Variants in SUCLG2 observed in about 807,000 individuals in gnomAD.
SUCLG2 encodes succinate--CoA ligase [GDP-forming] subunit beta, mitochondrial.
A neutral mutation model predicts 47.9 loss-of-function variants in SUCLG2; 42 were observed. That is an observed-to-expected ratio of 0.88 (90% CI 0.69 to 1.14). The LOEUF is 1.14. Among genes scored for constraint, SUCLG2 ranks in the 50% most tolerant of loss-of-function variants. The probability of loss-of-function intolerance (pLI) is 0.00; values close to 1 mark genes in which losing one functional copy is unlikely to be tolerated. For synonymous variants in SUCLG2, 195 were observed against 197.3 expected, an observed-to-expected ratio of 0.99 and a Z score of 0.10; for missense variants, 571 against 525.9, an observed-to-expected ratio of 1.09 and a Z score of -0.84.
rs140373867 is a variant in SUCLG2, at chr3:67,478,714, C to T, written c.1062+17084G>A. ...GTGAGTGGGAAAGAACCAAAATTAA[C>T]GAATAAAATCTAGTGGGAGGTTGCA... On this transcript the variant is annotated intron_variant, in intron 9 of 10. Coordinates refer to ENST00000307227, the MANE Select transcript of SUCLG2 (RefSeq NM_003848.4). 2.4e-4 allele frequency among the ~76,000 whole-genome samples: 37 copies of T among 152,228 alleles called. No homozygotes were observed. The Middle Eastern group carries it at 0.01, about 42-fold the overall frequency.
chr3:67,548,728 C>T (rs181544620), intron 2 of SUCLG2, among the ~76,000 whole-genome samples: 11 of 152,168 alleles, frequency 7.2e-5, no homozygotes, highest in Admixed American at 3.9e-4. Context: ...GACAAATGAG[C>T]GAAAATATTG....
chr3:67,454,120 T>G (rs1704124035), intron 9 of SUCLG2, among the ~76,000 whole-genome samples: 1 of 152,224 alleles, frequency 6.6e-6, no homozygotes, highest in Non-Finnish European at 1.5e-5. Context: ...ATTTTTATGT[T>G]CATTCCCAAT....
At chr3:67,403,460 C>T (rs1437638871) in intron 9 of SUCLG2, among the ~76,000 whole-genome samples, 2 of 152,188 alleles carry the variant, frequency 1.3e-5, no homozygotes, top group South Asian at 2.1e-4. Context: ...ACTTGATCAA[C>T]ATCTCCCTTG....
chr3:67,524,764 AGAG>A (rs1706210085), intron 4 of SUCLG2, among the ~76,000 whole-genome samples: 1 of 152,228 alleles, frequency 6.6e-6, no homozygotes, highest in Admixed American at 6.5e-5. Flanking sequence ...TGAAAGTTAT[AGAG>A]AAGAAGGGAG....
intron 9 of SUCLG2, among the ~76,000 whole-genome samples, chr3:67,491,370 T>TG (rs1705201697): frequency 6.8e-6 from 1 of 146,400 alleles, no homozygotes. Flanking sequence ...ACTTTTTTTT[T>TG]TTTTTTTTTT....
In SUCLG2 at chr3:67,603,290, ACAAT is replaced by A. The variant is rs527751190; in HGVS notation, c.226+6161_226+6164del. Among the ~76,000 whole-genome samples the A allele has an allele frequency of 1.9e-3, 282 of 152,332 alleles. 2 individuals carry two copies. The highest frequency in any genetic ancestry group is 6.6e-3 in the African/African-American group (276 of 41,576). ...CCACATGTCATAGGACAAAGCCACA[ACAAT>A]CAAGGAGGCTTGCAATGTATTTAAT... On this transcript the variant is annotated intron_variant, in intron 2 of 10. Transcript: ENST00000307227.
At position 67,646,659 on chromosome 3, in the gene SUCLG2, A is replaced by T. The variant is rs557980228; in HGVS notation, c.84+7844T>A. Among the ~76,000 whole-genome samples the T allele has an allele frequency of 2.6e-5, 4 of 152,304 alleles. No individual in the cohort carries two copies. The East Asian group carries it at 7.7e-4, about 29-fold the overall frequency. On this transcript the variant is annotated intron_variant, in intron 1 of 10. Transcript: ENST00000307227. ...GACACTGAAATGTGAAAAAGAAAAAAAAAAGGTATCTTACAAAGAAATATA... is the reference window on the plus strand; with the variant it reads ...GACACTGAAATGTGAAAAAGAAAAATAAAAGGTATCTTACAAAGAAATATA...
At chr3:67,557,069 A>G (rs1416219987) in intron 2 of SUCLG2, among the ~76,000 whole-genome samples, 1 of 152,164 alleles carries the variant, frequency 6.6e-6, no homozygotes, top group Non-Finnish European at 1.5e-5. Flanking sequence ...TTTATTCCAA[A>G]AGTCTGGTCA....
In SUCLG2 at chr3:67,520,497, C is replaced by A. The variant is rs775763597; in HGVS notation, c.555G>T (p.Pro185=). Residue 185 remains proline (P), a synonymous_variant, in exon 5 of 11, where the codon CCG becomes CCT. Transcript: ENST00000307227. ...TTAAACATACCTTAAAAATGAGCTCCGGGTTTGAAGCAGCCACCTCTTCAA... is the reference window on the plus strand; with the variant it reads ...TTAAACATACCTTAAAAATGAGCTCAGGGTTTGAAGCAGCCACCTCTTCAA... ...VDIEEVAASN[P]ELIFKEQIDI... 1 of 1,613,916 alleles carries A rather than the reference C, an allele frequency of 6.2e-7. No individual in the cohort carries two copies. The highest frequency in any genetic ancestry group is 1.3e-5 in the African/African-American group (1 of 74,896).
downstream of SUCLG2, among the ~76,000 whole-genome samples, chr3:67,370,728 T>C (rs1202280594): frequency 1.3e-5 from 2 of 152,214 alleles, no homozygotes; most frequent in Non-Finnish European, 2.9e-5. Flanking sequence ...ATAAAAGTTA[T>C]ATGAATGTGG....
chr3:67,369,163 T>C (rs538388661), intron 10 of SUCLG2, among the ~76,000 whole-genome samples: 20 of 152,342 alleles, frequency 1.3e-4, no homozygotes, highest in African/African-American at 4.1e-4. Flanking sequence ...TCTGTTTTTA[T>C]GTCAGTATTT....
At chr3:67,418,853 C>G (rs1703091680) in intron 9 of SUCLG2, among the ~76,000 whole-genome samples, 1 of 152,104 alleles carries the variant, frequency 6.6e-6, no homozygotes, top group Non-Finnish European at 1.5e-5. Flanking sequence ...TCTCCTGGAA[C>G]TCAGGGATAA....
chr3:67,401,382 G>C (rs965359698), intron 9 of SUCLG2, among the ~76,000 whole-genome samples: 1 of 151,998 alleles, frequency 6.6e-6, no homozygotes, highest in East Asian at 1.9e-4. Context: ...ATCAGAGATA[G>C]TTTAATTATC....
chr3:67,580,260 T>A (rs1332512690), intron 2 of SUCLG2, among the ~76,000 whole-genome samples: 1 of 152,180 alleles, frequency 6.6e-6, no homozygotes, highest in East Asian at 1.9e-4. Flanking sequence ...GATATATATA[T>A]TTCATTCATA....
Position 67,403,973 on chromosome 3 carries a change from C to A in SUCLG2, c.1063-3122G>T, listed in dbSNP as rs1020932079. Among the ~76,000 whole-genome samples the A allele has an allele frequency of 4.6e-5, 7 of 152,292 alleles. 1 individual carries two copies. In the East Asian group the frequency reaches 1.4e-3, roughly 29 times the overall value. On this transcript the variant is annotated intron_variant, in intron 9 of 10. Coordinates refer to ENST00000307227, the MANE Select transcript of SUCLG2 (RefSeq NM_003848.4). ...CAATCTTGACTCACTGCAACCTCCG[C>A]CTCCTGGGTTCAAGTGGTTCTCATA... is the stretch of plus-strand genomic sequence containing the variant.
chr3:67,435,021 T>G (rs955157774), intron 9 of SUCLG2, among the ~76,000 whole-genome samples: 1 of 152,208 alleles, frequency 6.6e-6, no homozygotes, highest in African/African-American at 2.4e-5. Context: ...TACAAAAGAC[T>G]CAAGGTCAAT....
At chr3:67,600,612 C>T (rs770139215) in intron 2 of SUCLG2, among the ~76,000 whole-genome samples, 8 of 152,232 alleles carry the variant, frequency 5.3e-5, no homozygotes, top group Non-Finnish European at 1.2e-4. Flanking sequence ...GAGACCACTA[C>T]ATGATCACCA....
chr3:67,645,110 C>T (rs1232923612), intron 1 of SUCLG2, among the ~76,000 whole-genome samples: 1 of 152,132 alleles, frequency 6.6e-6, no homozygotes, highest in Non-Finnish European at 1.5e-5. Flanking sequence ...AATACCACTA[C>T]TAAATATTCT....
chr3:67,560,163 A>G (rs1167715636), intron 2 of SUCLG2, among the ~76,000 whole-genome samples: 1 of 152,234 alleles, frequency 6.6e-6, no homozygotes, highest in Non-Finnish European at 1.5e-5. Flanking sequence ...TAATCCCCAG[A>G]AACTGAGAAT....
Sources: gnomAD v4.1 joint callset for allele counts (sites outside exome capture counted in the v4.1 genomes callset) on GRCh38, gnomAD v4.1.1 for gene constraint, MANE v1.5 for transcripts, NCBI Gene and HGNC (gene_info 2026-07-23, HGNC 2026-07-21) for gene names.